The following PEAK1 variants were observed in gnomAD, a reference collection of about 807,000 sequenced individuals.
PEAK1 encodes the protein pseudopodium enriched atypical kinase 1, also known as inactive tyrosine-protein kinase PEAK1.
PEAK1 carries 54 observed loss-of-function variants against 124.7 expected under a neutral mutation model. That is an observed-to-expected ratio of 0.43 (90% CI 0.35 to 0.54). PEAK1 has a LOEUF of 0.54. PEAK1 is among the 20% of genes least tolerant of loss of function. The pLI is 0.01. For missense variants in PEAK1, 2,046 were observed against 2,134.5 expected (o/e 0.96, Z 0.82); for synonymous variants, 719 against 760.0 (o/e 0.95, Z 0.89).
chr15:77,291,461 T>C (rs78671353), intron 2 of PEAK1, among the ~76,000 whole-genome samples: 3,311 of 152,182 alleles, frequency 0.022, 120 homozygotes, highest in African/African-American at 0.074. Context: ...CTAAAGAGAA[T>C]AACATCAACC....
At chr15:77,238,219 C>T (rs1212897702) in intron 6 of PEAK1, among the ~76,000 whole-genome samples, 2 of 152,090 alleles carry the variant, frequency 1.3e-5, no homozygotes, top group South Asian at 2.1e-4. Context: ...CTCTTAAGTA[C>T]AAAATTATTT....
intron 2 of PEAK1, among the ~76,000 whole-genome samples, chr15:77,332,497 G>A (rs2065950540): frequency 6.6e-6 from 1 of 152,078 alleles, no homozygotes; most frequent in South Asian, 2.1e-4. Flanking sequence ...CTACTCGGGA[G>A]GCTGAGGCAG....
At chr15:77,123,768 G>A (rs1283764431) in intron 9 of PEAK1, among the ~76,000 whole-genome samples, 4 of 152,180 alleles carry the variant, frequency 2.6e-5, no homozygotes, top group Non-Finnish European at 5.9e-5. Flanking sequence ...GTTAAGTTCA[G>A]GCTTAAGTTT....
At chr15:77,309,180 T>C (rs531188048) in intron 2 of PEAK1, among the ~76,000 whole-genome samples, 36 of 152,240 alleles carry the variant, frequency 2.4e-4, no homozygotes, top group African/African-American at 8.4e-4. Context: ...CAAAGATGAA[T>C]ATGTCTTTTC....
chr15:77,348,118 T>C (rs1461348791), intron 2 of PEAK1: 1 of 981,120 alleles, frequency 1.0e-6, no homozygotes, highest in African/African-American at 1.8e-5. Context: ...GAAACAACAA[T>C]GGAGATCAAA....
Position 77,155,776 on chromosome 15 carries a change from G to GCAGCGGTGGCTGCAGAA in PEAK1, c.3331+2710_3331+2726dup, listed in dbSNP as rs561503028. 20 of 152,686 alleles carry GCAGCGGTGGCTGCAGAA rather than the reference G, an allele frequency of 1.3e-4. No homozygotes were observed. The East Asian group carries it at 3.5e-3, about 26-fold the overall frequency. 9.5% of individuals were successfully genotyped at this position (152,686 alleles called of 1,614,324 possible). On this transcript the variant is annotated intron_variant, in intron 8 of 9. Coordinates refer to ENST00000682557, the MANE Select transcript of PEAK1 (RefSeq NM_001385026.1). ...CTAGACCCTTTTTGCCTGGGTGTCA[G>GCAGCGGTGGCTGCAGAA]CAGCGGTGGCTGCAGAACAGCGGTG...
chr15:77,414,998 A>G (rs1051576826), intron 1 of PEAK1, among the ~76,000 whole-genome samples: 16 of 152,248 alleles, frequency 1.1e-4, no homozygotes, highest in African/African-American at 3.6e-4. Context: ...AAAGCAGCAG[A>G]TAACAGCCTG....
intron 1 of PEAK1, among the ~76,000 whole-genome samples, chr15:77,378,978 T>A (rs1328618573): frequency 6.6e-6 from 1 of 152,194 alleles, no homozygotes. Flanking sequence ...GAAACAACTG[T>A]AGTTCAGCTG....
Position 77,355,844 on chromosome 15 carries a change from G to A in PEAK1, c.-603+9319C>T, listed in dbSNP as rs183196139. Reference sequence around the variant, plus strand: ...TAGAAAAACTGCTGACCCCCTCCCAGAATATCAGCCCTGGAAAAGTTACAG... The same window carrying A: ...TAGAAAAACTGCTGACCCCCTCCCAAAATATCAGCCCTGGAAAAGTTACAG... On this transcript the variant is annotated intron_variant, in intron 2 of 9. Coordinates refer to ENST00000682557, the MANE Select transcript of PEAK1 (RefSeq NM_001385026.1). 4.3e-3 allele frequency: 4,233 copies of A among 985,252 alleles called. 8 individuals are homozygous for A. Among genetic ancestry groups the A allele is most frequent in the Non-Finnish European group, 4.8e-3 (3,971 of 829,876 alleles). 61.0% of individuals were successfully genotyped at this position (985,252 alleles called of 1,614,324 possible).
At chr15:77,170,457 G>A (rs923524565) in intron 7 of PEAK1, among the ~76,000 whole-genome samples, 16 of 152,132 alleles carry the variant, frequency 1.1e-4, no homozygotes, top group Non-Finnish European at 1.5e-4. Flanking sequence ...AGCCCAAAAT[G>A]TTAGGATTAA....
At chr15:77,410,201 C>T (rs1309385932) in intron 1 of PEAK1, among the ~76,000 whole-genome samples, 2 of 152,004 alleles carry the variant, frequency 1.3e-5, no homozygotes, top group African/African-American at 4.8e-5. Flanking sequence ...TATTCTCCTG[C>T]CTCAGCCTCC....
At chr15:77,140,788 G>A (rs971390158) in intron 8 of PEAK1, among the ~76,000 whole-genome samples, 2 of 150,204 alleles carry the variant, frequency 1.3e-5, no homozygotes, top group African/African-American at 4.9e-5. Flanking sequence ...AGGCTGGAGT[G>A]CAGTGGCACA....
chr15:77,355,329 A>G (rs951689995), intron 2 of PEAK1, among the ~76,000 whole-genome samples: 8 of 152,222 alleles, frequency 5.3e-5, no homozygotes, highest in African/African-American at 1.7e-4. Context: ...TTTTAATACT[A>G]TTATACATAC....
At chr15:77,307,054 C>T (rs1007118560) in intron 2 of PEAK1, among the ~76,000 whole-genome samples, 2 of 152,088 alleles carry the variant, frequency 1.3e-5, no homozygotes, top group African/African-American at 4.8e-5. Context: ...TTTCCTCAAT[C>T]ACTTCTCTCT....
chr15:77,212,876 T>C (rs1256143303), intron 6 of PEAK1, among the ~76,000 whole-genome samples: 2 of 152,196 alleles, frequency 1.3e-5, no homozygotes, highest in African/African-American at 2.4e-5. Flanking sequence ...GCTTGAGATA[T>C]CTGAATTCTT....
chr15:77,346,436 CT>C, intron 2 of PEAK1: 7 of 985,122 alleles, frequency 7.1e-6, no homozygotes, highest in Non-Finnish European at 8.4e-6. Flanking sequence ...TGATCAGTCC[CT>C]TGGGGGAGAG....
chr15:77,150,619 G>A (rs1300807997), intron 8 of PEAK1, among the ~76,000 whole-genome samples: 2 of 151,668 alleles, frequency 1.3e-5, no homozygotes, highest in Non-Finnish European at 2.9e-5. Context: ...CCATTAACTT[G>A]TCATTTAACA....
At chr15:77,160,721 C>T (rs1328874464) in intron 7 of PEAK1, among the ~76,000 whole-genome samples, 1 of 152,122 alleles carries the variant, frequency 6.6e-6, no homozygotes, top group African/African-American at 2.4e-5. Context: ...AATGTTAAAG[C>T]TCCAGACATT....
In PEAK1 at chr15:77,179,732, G is replaced by A; in HGVS notation, c.2195C>T (p.Ala732Val). 3.1e-6 allele frequency: 5 copies of A among 1,614,070 alleles called. No homozygotes were observed. The highest frequency in any genetic ancestry group is 4.2e-6 in the Non-Finnish European group (5 of 1,180,000). Reference sequence around the variant, plus strand: ...CTCTTGAGTGGCTCTCTGGATCTTTGCTGGGGAGCTGTGGCTGGAACTATA... The same window carrying A: ...CTCTTGAGTGGCTCTCTGGATCTTTACTGGGGAGCTGTGGCTGGAACTATA... ...RSYSSSHSSP[A>V]KIQRATQEPV... The change falls in exon 7 of 10, where the codon GCA becomes GTA. Residue 732 changes from alanine to valine, a missense_variant. Ala to Val is a moderately conservative substitution (Grantham distance 64). Coordinates refer to ENST00000682557, the MANE Select transcript of PEAK1 (RefSeq NM_001385026.1).
Sources: allele counts gnomAD v4.1 joint callset (sites outside exome capture counted in the v4.1 genomes callset), GRCh38; gene constraint gnomAD v4.1.1; transcripts MANE v1.5; gene names NCBI Gene and HGNC (gene_info 2026-07-23, HGNC 2026-07-21).